The following SNRNP200 variants were observed in gnomAD, a reference collection of about 807,000 sequenced individuals.
SNRNP200 encodes the protein U5 small nuclear ribonucleoprotein 200 kDa helicase.
In SNRNP200, 66 loss-of-function variants were observed where a neutral mutation model predicts 255.2. The ratio of observed to expected loss-of-function variants is 0.26; its 90% CI spans 0.21 to 0.32. The LOEUF is 0.32. SNRNP200 is among the 10% of genes least tolerant of loss of function. The probability of loss-of-function intolerance (pLI) is 1.00; values close to 1 mark genes in which losing one functional copy is unlikely to be tolerated. For synonymous variants in SNRNP200, 939 were observed against 1,027.8 expected (o/e 0.91, Z 1.65); for missense variants, 1,585 against 2,749.8 (o/e 0.58, Z 9.47).
At position 96,291,956 on chromosome 2, in the gene SNRNP200, C is replaced by CG. The variant is rs1323324617; in HGVS notation, c.2161-57_2161-56insC. 2.5e-6 allele frequency: 4 copies of CG among 1,599,058 alleles called. No homozygotes were observed. Among genetic ancestry groups the CG allele is most frequent in the Non-Finnish European group, 3.4e-6 (4 of 1,172,718 alleles). ...CGAGATACTCACAGCCCCAGGGCAC[C>CG]TGCAGCAGGAAGCAGAAGTTGCACC... On this transcript the variant is annotated intron_variant, in intron 16 of 44. Transcript: ENST00000323853. The surrounding 1 kb of genome is among the most constrained non-coding windows in gnomAD (Gnocchi z 4.2).
chr2:96,277,006 C>T lies in SNRNP200; in HGVS notation c.6093-21G>A, dbSNP rs748433799. On this transcript the variant is annotated intron_variant, in intron 42 of 44. Coordinates refer to ENST00000323853, the MANE Select transcript of SNRNP200 (RefSeq NM_014014.5). This position sits in a 1 kb window ranked among gnomAD's most constrained non-coding sequence, Gnocchi z 4.4. ...CGCCACTGCAGGGGGAGAGGAGGGG[C>T]GCACGTCAGTGATGGGGCAGTGGGC... 2 of 1,614,016 alleles carry T rather than the reference C, an allele frequency of 1.2e-6. No individual in the cohort carries two copies. The highest frequency in any genetic ancestry group is 8.5e-7 in the Non-Finnish European group (1 of 1,179,962).
intron 29 of SNRNP200, among the ~76,000 whole-genome samples, chr2:96,285,599 C>A (rs959704954): frequency 6.6e-6 from 1 of 152,152 alleles, no homozygotes; most frequent in Non-Finnish European, 1.5e-5. Flanking sequence ...TGTGGGATGA[C>A]AACAAAAGCA....
At position 96,278,555 on chromosome 2, in the gene SNRNP200, G is replaced by T; in HGVS notation, c.5480C>A (p.Thr1827Asn). ...MIAAYYYINY[T>N]TIELFSMSLN... The stretch of plus-strand genomic sequence containing the variant: ...GCCATGCCGGGCCTCACCAATGGTG[G>T]TGTAGTTGATGTAATAGTAGGCGGC... Residue 1827 changes from threonine to asparagine, a missense_variant, in exon 38 of 45, where the codon ACC (threonine) becomes AAC (asparagine). By Grantham distance (65) the Thr-to-Asn change is moderately conservative (BLOSUM62 0). Around this residue, in one of 9 missense-constraint regions of SNRNP200, gnomAD observed 279 missense variants for 551.2 expected, o/e 0.51. Transcript: ENST00000323853. The surrounding 1 kb of genome is among the most constrained non-coding windows in gnomAD (Gnocchi z 6.9). 6.2e-7 allele frequency: 1 copy of T among 1,614,058 alleles called. No individual in the cohort carries two copies.
In SNRNP200 at chr2:96,277,851, G is replaced by A. The variant is rs772879605; in HGVS notation, c.5710C>T (p.Leu1904=). Reference sequence around the variant, plus strand: ...GTATCTGACTGCAACTCAGCACTCAGCTGCATGCGAGACAAGTGAGCCTGC... The same window carrying A: ...GTATCTGACTGCAACTCAGCACTCAACTGCATGCGAGACAAGTGAGCCTGC... ...LLQAHLSRMQ[L]SAELQSDTEE... Residue 1904 remains leucine (L), a synonymous_variant, in exon 40 of 45, where the codon CTG becomes TTG. Coordinates refer to ENST00000323853, the MANE Select transcript of SNRNP200 (RefSeq NM_014014.5). This position sits in a 1 kb window ranked among gnomAD's most constrained non-coding sequence, Gnocchi z 4.4. 9.3e-6 allele frequency: 15 copies of A among 1,614,240 alleles called. No homozygotes were observed. The highest frequency in any genetic ancestry group is 1.3e-5 in the Non-Finnish European group (15 of 1,180,052).
chr2:96,304,140 T>G (rs1417898092), intron 2 of SNRNP200, among the ~76,000 whole-genome samples: 1 of 151,900 alleles, frequency 6.6e-6, no homozygotes, highest in African/African-American at 2.4e-5. Context: ...AGCCTAGGAA[T>G]TTTGGAAACT....
rs1573995030 is a variant in SNRNP200, at chr2:96,289,207, A to G, written c.3093+20T>C. 1.2e-6 allele frequency: 2 copies of G among 1,614,200 alleles called. No homozygotes were observed. Among genetic ancestry groups the G allele is most frequent in the South Asian group, 2.2e-5 (2 of 91,086 alleles). On this transcript the variant is annotated intron_variant, in intron 22 of 44. Transcript: ENST00000323853. Reference sequence around the variant, plus strand: ...TTGGTGAGCACCAACTCCCCGCCCCATCATGCTGCATAGGCTCACCTCTCT... The same window carrying G: ...TTGGTGAGCACCAACTCCCCGCCCCGTCATGCTGCATAGGCTCACCTCTCT...
At chr2:96,296,752 T>C in intron 12 of SNRNP200, 61 bp from the exon 13 acceptor site, 1 of 1,587,650 alleles carries the variant, frequency 6.3e-7, no homozygotes, top group South Asian at 1.1e-5. Context: ...TGCCCTAACT[T>C]CCATGGGCTT....
chr2:96,288,623 C>T, intron 24 of SNRNP200, 40 bp downstream of exon 24: 1 of 1,550,170 alleles, frequency 6.5e-7, no homozygotes, highest in Non-Finnish European at 8.9e-7. Flanking sequence ...TTGAACTGTT[C>T]AGGCCCCTTC....
intron 2 of SNRNP200, 120 bp downstream of exon 2, chr2:96,304,585 C>T (rs761736898): frequency 7.3e-5 from 99 of 1,361,784 alleles, no homozygotes; most frequent in Non-Finnish European, 9.8e-5. Context: ...TTTTTACCTT[C>T]ACTGAATTGT....
intron 36 of SNRNP200, 186 bp downstream of exon 36, chr2:96,279,265 C>G: frequency 1.5e-6 from 1 of 664,476 alleles, no homozygotes. Context: ...GTGGAGCCAA[C>G]GGCAGCAGCA....
Position 96,291,336 on chromosome 2 carries a change from G to A in SNRNP200, c.2421+56C>T. The A allele has an allele frequency of 1.0e-6, 1 of 972,948 alleles. No homozygotes were observed. The highest frequency in any genetic ancestry group is 1.3e-5 in the South Asian group (1 of 78,444). 60.3% of individuals were successfully genotyped at this position (972,948 alleles called of 1,614,324 possible). On this transcript the variant is annotated intron_variant, in intron 18 of 44. Transcript: ENST00000323853. The surrounding 1 kb of genome is among the most constrained non-coding windows in gnomAD (Gnocchi z 4.2). ...GCAAACATGGCACAAACTTGACATT[G>A]CCCATCTTCTGAAGTATGTCCCACC...
Position 96,283,638 on chromosome 2 carries a change from A to G in SNRNP200, c.4660T>C (p.Ser1554Pro). 2 of 1,614,090 alleles carry G rather than the reference A, an allele frequency of 1.2e-6. No homozygotes were observed. Among genetic ancestry groups the G allele is most frequent in the Non-Finnish European group, 1.7e-6 (2 of 1,180,028 alleles). ...KPVYHAITKH[S>P]PKKPVIVFVP... is the part of the protein sequence containing the mutation. ...AAGACAATGACAGGCTTCTTGGGCG[A>G]GTGCTTGGTGATAGCATGGTACACA... Residue 1554 changes from serine (S) to proline (P), a missense_variant, in exon 33 of 45, where the codon TCG (serine) becomes CCG (proline). Ser to Pro is a moderately conservative substitution (Grantham distance 74). Transcript: ENST00000323853. This position sits in a 1 kb window ranked among gnomAD's most constrained non-coding sequence, Gnocchi z 4.7.
chr2:96,292,313 C>A (rs758836939), intron 16 of SNRNP200, among the ~76,000 whole-genome samples: 3 of 152,232 alleles, frequency 2.0e-5, no homozygotes, highest in Non-Finnish European at 2.9e-5. Context: ...GACTAGTACA[C>A]TGTTGTAGGG....
At position 96,277,708 on chromosome 2, in the gene SNRNP200, C is replaced by T. The variant is rs1354326901; in HGVS notation, c.5762G>A (p.Arg1921Gln). 5 of 1,613,950 alleles carry T rather than the reference C, an allele frequency of 3.1e-6. No homozygotes were observed. The highest frequency in any genetic ancestry group is 1.7e-5 in the Admixed American group (1 of 59,998). The change falls in exon 41 of 45, where the codon CGG (arginine) becomes CAG (glutamine). Residue 1921 changes from arginine to glutamine, a missense_variant. This residue lies in a region of SNRNP200 where 279 missense variants were observed against 551.2 expected (regional missense o/e 0.51). Transcript: ENST00000323853. This position sits in a 1 kb window ranked among gnomAD's most constrained non-coding sequence, Gnocchi z 4.4. ...GACATCCACGCAGGCCTGGATGAGC[C>T]GGATTGCCTGAACAGGAAAAGGAGT... ...DTEEILSKAIRLIQACVDVLS... is the reference protein window; with the variant it reads ...DTEEILSKAIQLIQACVDVLS...
At chr2:96,304,568 T>C in intron 2 of SNRNP200, 137 bp downstream of exon 2, 3 of 1,193,720 alleles carry the variant, frequency 2.5e-6, no homozygotes, top group Admixed American at 3.7e-5. Context: ...TAAACTCTCC[T>C]GGTCTGTTTT....
intron 21 of SNRNP200, 80 bp from the exon 22 acceptor site, chr2:96,289,459 T>C (rs2063869799): frequency 2.7e-6 from 4 of 1,508,520 alleles, no homozygotes; most frequent in African/African-American, 2.8e-5. Flanking sequence ...GTTACTGTCC[T>C]ATAGGTTTTT....
chr2:96,282,283 G>T, intron 34 of SNRNP200: 1 of 258,088 alleles, frequency 3.9e-6, no homozygotes. Context: ...ATCACTCTAA[G>T]CATGCCCCAA....
At chr2:96,304,256 A>T (rs1037663622) in intron 2 of SNRNP200, among the ~76,000 whole-genome samples, 2 of 152,134 alleles carry the variant, frequency 1.3e-5, no homozygotes, top group Admixed American at 6.5e-5. Context: ...TTAAAAAAAA[A>T]AAATAAAGGA....
intron 44 of SNRNP200, 30 bp from the exon 45 acceptor site, chr2:96,275,185 G>A (rs1469426701): frequency 3.1e-6 from 5 of 1,614,064 alleles, no homozygotes; most frequent in Non-Finnish European, 4.2e-6. Context: ...ATCAAGATGA[G>A]CATGGACACA....
Sources: allele counts gnomAD v4.1 joint callset (sites outside exome capture counted in the v4.1 genomes callset), GRCh38; gene constraint gnomAD v4.1.1; regional missense constraint gnomAD v4.1.1; non-coding constraint Gnocchi (gnomAD v3.1); transcripts MANE v1.5; gene names NCBI Gene and HGNC (gene_info 2026-07-23, HGNC 2026-07-21).